Variants in ZNF384 observed in about 807,000 individuals in gnomAD.
ZNF384 encodes CAG repeat protein 1.
A neutral mutation model predicts 65.0 loss-of-function variants in ZNF384; 20 were observed. That is an observed-to-expected ratio of 0.31 (90% confidence interval 0.22 to 0.45). The LOEUF is 0.45. Among genes scored for constraint, ZNF384 ranks in the 20% least tolerant of loss-of-function variants. The probability of loss-of-function intolerance (pLI) is 1.00; values close to 1 mark genes in which losing one functional copy is unlikely to be tolerated. For missense variants in ZNF384, 549 were observed against 769.4 expected (o/e 0.71, Z 3.39); for synonymous variants, 310 against 303.9 (o/e 1.02, Z -0.21).
rs528891866 is a variant in ZNF384 at position 6,677,418 on chromosome 12, C to T, written c.687-159G>A. ...CAAACTCCCCAAACCCACTAGGGCA[C>T]GTGACAGTTCTCAAAGGGATTAAAA... On this transcript the variant is annotated intron_variant, in intron 6 of 11. Coordinates refer to ENST00000683879, the MANE Select transcript of ZNF384 (RefSeq NM_001385745.1). Among the ~76,000 whole-genome samples the T allele has an allele frequency of 5.9e-5, 9 of 152,288 alleles. No homozygotes were observed. In the East Asian group the frequency reaches 7.7e-4, roughly 13 times the overall value.
intron 7 of ZNF384, among the ~76,000 whole-genome samples, chr12:6,676,758 C>T (rs1438834986): frequency 6.6e-6 from 1 of 152,028 alleles, no homozygotes; most frequent in Non-Finnish European, 1.5e-5. Context: ...TAAGAGAATG[C>T]CTTTAAATGA....
chr12:6,672,320 C>T lies in ZNF384; in HGVS notation c.1187+30G>A, dbSNP rs200560264. Reference sequence around the variant, plus strand: ...GGGTGGGGAGGGCATGCCAGCGGGGCGGGGTCAGTAGCCCGCCACTCTCCC... The same window carrying T: ...GGGTGGGGAGGGCATGCCAGCGGGGTGGGGTCAGTAGCCCGCCACTCTCCC... On this transcript the variant is annotated intron_variant, in intron 9 of 11. Transcript: ENST00000683879. This position sits in a 1 kb window ranked among gnomAD's most constrained non-coding sequence, Gnocchi z 4.4. The T allele has an allele frequency of 1.2e-5, 19 of 1,598,586 alleles. No individual in the cohort carries two copies. The highest frequency in any genetic ancestry group is 1.3e-5 in the African/African-American group (1 of 74,838).
intron 2 of ZNF384, among the ~76,000 whole-genome samples, chr12:6,687,451 T>C (rs1283438999): frequency 6.6e-6 from 1 of 152,162 alleles, no homozygotes; most frequent in Non-Finnish European, 1.5e-5. Flanking sequence ...TACCCAATAT[T>C]TAATCAACAA....
intron 2 of ZNF384, among the ~76,000 whole-genome samples, chr12:6,687,029 G>T (rs1053030323): frequency 6.6e-6 from 1 of 152,188 alleles, no homozygotes; most frequent in Non-Finnish European, 1.5e-5. Flanking sequence ...CTCAAGACTT[G>T]AAATGAAGAA....
rs1483003132 is a variant in ZNF384 at position 6,666,513 on chromosome 12, A to G, written c.*1201T>C. 6.2e-6 allele frequency: 1 copy of G among 161,524 alleles called. No individual in the cohort carries two copies. The highest frequency in any genetic ancestry group is 1.4e-5 in the Non-Finnish European group (1 of 73,712). 10.0% of individuals were successfully genotyped at this position (161,524 alleles called of 1,614,324 possible). On this transcript the variant is annotated 3_prime_UTR_variant, in exon 12 of 12. Coordinates refer to ENST00000683879, the MANE Select transcript of ZNF384 (RefSeq NM_001385745.1). ...GAATTTATTTCTATACAATGTTCTA[A>G]AAACACCCCTTGGTTTGTACATAAG...
In ZNF384 at chr12:6,678,362, G is replaced by T. The variant is rs1565436229; in HGVS notation, c.451C>A (p.Leu151Ile). 3 of 1,614,092 alleles carry T rather than the reference G, an allele frequency of 1.9e-6. No homozygotes were observed. The highest frequency in any genetic ancestry group is 1.6e-4 in the Middle Eastern group (1 of 6,062). ...PISAPMIVSALPPGSQALQVV... is the reference protein window; with the variant it reads ...PISAPMIVSAIPPGSQALQVV... ...TGCAGGGCTTGTGAGCCAGGGGGAA[G>T]AGCTGAGACAATCATGGGAGCCGAA... is the stretch of plus-strand genomic sequence containing the variant. Residue 151 changes from leucine to isoleucine, a missense_variant, in exon 6 of 12, where the codon CTT (leucine) becomes ATT (isoleucine). By Grantham distance (5) the Leu-to-Ile change is conservative. This residue lies in a region of ZNF384 where 277 missense variants were observed against 337.2 expected (regional missense o/e 0.82). Transcript: ENST00000683879. The surrounding 1 kb of genome is among the most constrained non-coding windows in gnomAD (Gnocchi z 4.9).
chr12:6,682,334 A>AC (rs1956306396), intron 2 of ZNF384, among the ~76,000 whole-genome samples: 1 of 134,728 alleles, frequency 7.4e-6, no homozygotes. Context: ...ACAAAACAAA[A>AC]CAAAACAAAA....
At chr12:6,671,441 T>TACGGC in intron 9 of ZNF384, 1 of 152,688 alleles carries the variant, frequency 6.5e-6, no homozygotes, top group Non-Finnish European at 1.5e-5. Flanking sequence ...TCTGCTAAGA[T>TACGGC]GAGCCAAGGA....
At chr12:6,686,642 T>C (rs900619239) in intron 2 of ZNF384, among the ~76,000 whole-genome samples, 9 of 152,222 alleles carry the variant, frequency 5.9e-5, no homozygotes, top group Admixed American at 2.0e-4. Flanking sequence ...ACTAGGTTTC[T>C]ATCAGGATGG....
At chr12:6,669,252 T>C in intron 10 of ZNF384, 63 bp from the exon 11 acceptor site, 1 of 1,503,976 alleles carries the variant, frequency 6.6e-7, no homozygotes, top group Non-Finnish European at 9.0e-7. Flanking sequence ...CCCCTTGACC[T>C]CGATGGAAAG....
chr12:6,681,211 CA>C (rs199629450), intron 2 of ZNF384, among the ~76,000 whole-genome samples: 211 of 65,386 alleles, frequency 3.2e-3, no homozygotes, highest in Middle Eastern at 8.8e-3. Flanking sequence ...AACGCCATCT[CA>C]AAAAAAAAAA....
rs909295176 is a variant in ZNF384 at position 6,672,940 on chromosome 12, T to C, written c.1004+276A>G. 8.2e-6 allele frequency: 4 copies of C among 489,126 alleles called. No individual in the cohort carries two copies. The highest frequency in any genetic ancestry group is 1.5e-5 in the Non-Finnish European group (4 of 269,234). The allele number at this position is 489,126 out of a possible 1,614,324, so 30.3% of individuals were successfully genotyped here. On this transcript the variant is annotated intron_variant, in intron 8 of 11. Coordinates refer to ENST00000683879, the MANE Select transcript of ZNF384 (RefSeq NM_001385745.1). The surrounding 1 kb of genome is among the most constrained non-coding windows in gnomAD (Gnocchi z 4.4). ...CACCTTGGCTCTGAACTGAAGCATA[T>C]AGTAAAAGCAGGCCTGCTCTGCAGA... is the stretch of plus-strand genomic sequence containing the variant.
At position 6,673,150 on chromosome 12, in the gene ZNF384, T is replaced by A. The variant is rs943381492; in HGVS notation, c.1004+66A>T. 1 of 1,399,294 alleles carries A rather than the reference T, an allele frequency of 7.1e-7. No individual in the cohort carries two copies. Among genetic ancestry groups the A allele is most frequent in the African/African-American group, 1.4e-5 (1 of 70,210 alleles). 86.7% of individuals were successfully genotyped at this position (1,399,294 alleles called of 1,614,324 possible). ...AGAATAATACATGTGGAGAGAGGAG[T>A]AGGTGCAGGCAACATGGTCTTAGGG... On this transcript the variant is annotated intron_variant, in intron 8 of 11. Transcript: ENST00000683879. This position sits in a 1 kb window ranked among gnomAD's most constrained non-coding sequence, Gnocchi z 4.7.
Position 6,672,566 on chromosome 12 carries a change from G to A in ZNF384, c.1005-34C>T. 2 of 1,601,952 alleles carry A rather than the reference G, an allele frequency of 1.2e-6. No individual in the cohort carries two copies. The highest frequency in any genetic ancestry group is 1.7e-6 in the Non-Finnish European group (2 of 1,171,332). ...GAGGAGAGGAGGGAAGGGGGGAGGA[G>A]GAAGCAGTTCGACACCAGGGGCTCA... On this transcript the variant is annotated intron_variant, in intron 8 of 11. Transcript: ENST00000683879. The surrounding 1 kb of genome is among the most constrained non-coding windows in gnomAD (Gnocchi z 4.4).
In ZNF384 at chr12:6,677,170, G is replaced by C; in HGVS notation, c.776C>G (p.Pro259Arg). ...PGSTTNLLCD[P>R]GCRMCSLTFY... ...CAGAGAGGGGAAAAGGACTTGCCCA[G>C]GGTCACACAGCAAATTCGTGGTGGA... Residue 259 changes from proline to arginine, a missense_variant, in exon 7 of 12, where the codon CCT becomes CGT. Pro to Arg is a moderately radical substitution (Grantham distance 103). Transcript: ENST00000683879. 1 of 1,023,770 alleles carries C rather than the reference G, an allele frequency of 9.8e-7. No individual in the cohort carries two copies. Among genetic ancestry groups the C allele is most frequent in the Non-Finnish European group, 1.4e-6 (1 of 739,234 alleles). The allele number at this position is 1,023,770 out of a possible 1,614,324, so 63.4% of individuals were successfully genotyped here.
At position 6,667,325 on chromosome 12, in the gene ZNF384, G is replaced by C. The variant is rs987885953; in HGVS notation, c.*389C>G. On this transcript the variant is annotated 3_prime_UTR_variant, in exon 12 of 12. Coordinates refer to ENST00000683879, the MANE Select transcript of ZNF384 (RefSeq NM_001385745.1). ...GCTCCCTTTTCTCTGTTATCTGGGAGGGCCAGCCTCTAGTCTTACATCAGC... is the reference window on the plus strand; with the variant it reads ...GCTCCCTTTTCTCTGTTATCTGGGACGGCCAGCCTCTAGTCTTACATCAGC... 8.5e-5 allele frequency: 33 copies of C among 386,890 alleles called. 1 individual carries two copies. In the East Asian group the frequency reaches 1.0e-3, roughly 12 times the overall value. The allele number at this position is 386,890 out of a possible 1,614,324, so 24.0% of individuals were successfully genotyped here. A position where few individuals can be genotyped will look rare whatever the true frequency, so the allele number is the denominator to read the frequency against.
rs548743083 is a variant in ZNF384 at position 6,678,036 on chromosome 12, C to T, written c.686+91G>A. The T allele has an allele frequency of 3.5e-5, 43 of 1,245,040 alleles. No homozygotes were observed. The African/African-American group carries it at 5.4e-4, about 16-fold the overall frequency. The allele number at this position is 1,245,040 out of a possible 1,614,324, so 77.1% of individuals were successfully genotyped here. A position where few individuals can be genotyped will look rare whatever the true frequency, so the allele number is the denominator to read the frequency against. ...GAGCTGGGAAGCTGTCAGAGTGTAG[C>T]GCCTGACCGGGGCAGAACACAATGA... On this transcript the variant is annotated intron_variant, in intron 6 of 11. Coordinates refer to ENST00000683879, the MANE Select transcript of ZNF384 (RefSeq NM_001385745.1). The surrounding 1 kb of genome is among the most constrained non-coding windows in gnomAD (Gnocchi z 4.9).
chr12:6,679,278 G>A lies in ZNF384; in HGVS notation c.67-95C>T. On this transcript the variant is annotated intron_variant, in intron 3 of 11. Transcript: ENST00000683879. ...ACACTTCAGTGTCTGTCCTCCTTAG[G>A]GATCAAGGATGAGCACTTCATACCT... 4 of 1,285,446 alleles carry A rather than the reference G, an allele frequency of 3.1e-6. 1 individual carries two copies. The highest frequency in any genetic ancestry group is 4.3e-6 in the Non-Finnish European group (4 of 919,912). 79.6% of individuals were successfully genotyped at this position (1,285,446 alleles called of 1,614,324 possible). A position where few individuals can be genotyped will look rare whatever the true frequency, so the allele number is the denominator to read the frequency against.
At chr12:6,681,663 G>A (rs994694894) in intron 2 of ZNF384, among the ~76,000 whole-genome samples, 3 of 152,088 alleles carry the variant, frequency 2.0e-5, no homozygotes, top group Non-Finnish European at 4.4e-5. Context: ...AACAGGGAAG[G>A]ATCTTCAACA....
Sources: gnomAD v4.1 joint callset for allele counts (sites outside exome capture counted in the v4.1 genomes callset) on GRCh38, gnomAD v4.1.1 for gene constraint, gnomAD v4.1.1 regional missense constraint, Gnocchi (gnomAD v3.1) non-coding constraint, MANE v1.5 for transcripts, NCBI Gene and HGNC (gene_info 2026-07-23, HGNC 2026-07-21) for gene names.